Variants in CDCA2 observed in about 807,000 individuals in gnomAD.
CDCA2 encodes the protein cell division cycle associated 2, also known as cell division cycle-associated protein 2.
A neutral mutation model predicts 67.0 loss-of-function variants in CDCA2; 44 were observed. The ratio of observed to expected loss-of-function variants is 0.66; its 90% confidence interval spans 0.52 to 0.84. The LOEUF (loss-of-function observed/expected upper bound fraction) is 0.84. Ranked by LOEUF, CDCA2 falls within the 40% of genes least tolerant of loss-of-function variation. CDCA2 has a pLI of 0.00. For missense variants in CDCA2, 1,253 were observed against 1,203.2 expected (o/e 1.04, Z -0.61); for synonymous variants, 447 against 418.7 (o/e 1.07, Z -0.82).
rs1377051997 is a variant in CDCA2, at chr8:25,506,778, A to G, written c.2112A>G (p.Pro704=). The G allele has an allele frequency of 6.2e-7, 1 of 1,613,900 alleles. No individual in the cohort carries two copies. Among genetic ancestry groups the G allele is most frequent in the African/African-American group, 1.3e-5 (1 of 74,932 alleles). The change falls in exon 15 of 15, where the codon CCA becomes CCG. Residue 704 remains proline, a synonymous_variant. Transcript: ENST00000330560. Reference sequence around the variant, plus strand: ...ATAAGTCAGAAAGTGAAAATGAACCAAAAGCTGGAACTGACAGTCCTGTTT... The same window carrying G: ...ATAAGTCAGAAAGTGAAAATGAACCGAAAGCTGGAACTGACAGTCCTGTTT... ...AKNKSESENE[P]KAGTDSPVSC... is the part of the protein sequence containing the mutation.
At chr8:25,466,001 A>G (rs1483829102) in intron 4 of CDCA2, among the ~76,000 whole-genome samples, 174 bp from the exon 5 acceptor site, 1 of 152,144 alleles carries the variant, frequency 6.6e-6, no homozygotes, top group South Asian at 2.1e-4. Flanking sequence ...TCCTTATTCA[A>G]ACTGAAAATG....
chr8:25,471,190 C>T (rs917640494), intron 7 of CDCA2, among the ~76,000 whole-genome samples: 13 of 152,148 alleles, frequency 8.5e-5, no homozygotes, highest in Middle Eastern at 3.2e-3. Flanking sequence ...TTCCTTCAAC[C>T]TGAAAAAGAA....
At chr8:25,488,455 G>T in intron 12 of CDCA2, 97 bp from the exon 13 acceptor site, 14 of 1,149,196 alleles carry the variant, frequency 1.2e-5, no homozygotes, top group Non-Finnish European at 1.7e-5. Flanking sequence ...ATCTAAAGTG[G>T]TAGAAGCATC....
chr8:25,485,175 T>TA (rs1223540270), intron 10 of CDCA2, among the ~76,000 whole-genome samples: 2 of 115,788 alleles, frequency 1.7e-5, no homozygotes, highest in Non-Finnish European at 3.5e-5. Flanking sequence ...CCCTAAAACT[T>TA]AAAGTATAAT....
At position 25,503,359 on chromosome 8, in the gene CDCA2, A is replaced by G; in HGVS notation, c.1672-14A>G. 2 of 1,598,676 alleles carry G rather than the reference A, an allele frequency of 1.3e-6. No individual in the cohort carries two copies. Among genetic ancestry groups the G allele is most frequent in the Non-Finnish European group, 1.7e-6 (2 of 1,165,984 alleles). ...CATCTTTCTCAATTGCAATGTTTTA[A>G]TGCATTTTCTCAGGTTTTAAAAAGT... On this transcript the variant is annotated splice_polypyrimidine_tract_variant and intron_variant, in intron 13 of 14. Transcript: ENST00000330560.
At position 25,505,565 on chromosome 8, in the gene CDCA2, C is replaced by T. The variant is rs1804644254; in HGVS notation, c.1844-945C>T. On this transcript the variant is annotated intron_variant, in intron 14 of 14. Coordinates refer to ENST00000330560, the MANE Select transcript of CDCA2 (RefSeq NM_152562.4). ...AACATTGGTTGGCACTGAGTGGGCA[C>T]TGACCTGTTTAATCTCTAGCTTTAA... 2.6e-5 allele frequency among the ~76,000 whole-genome samples: 4 copies of T among 152,210 alleles called. No individual in the cohort carries two copies. The South Asian group carries it at 6.2e-4, about 24-fold the overall frequency.
At chr8:25,463,816 G>A (rs987155974) in intron 4 of CDCA2, among the ~76,000 whole-genome samples, 1 of 152,050 alleles carries the variant, frequency 6.6e-6, no homozygotes, top group African/African-American at 2.4e-5. Flanking sequence ...GCCTTCGTAC[G>A]CCCACTCTAG....
intron 7 of CDCA2, among the ~76,000 whole-genome samples, chr8:25,475,345 C>A (rs534777178): frequency 2.0e-5 from 3 of 152,116 alleles, no homozygotes; most frequent in African/African-American, 4.8e-5. Flanking sequence ...ATGGTGAAAT[C>A]CCGGCTCTAC....
At chr8:25,483,278 T>C in intron 8 of CDCA2, 121 bp from the exon 9 acceptor site, 2 of 502,640 alleles carry the variant, frequency 4.0e-6, no homozygotes, top group Non-Finnish European at 3.4e-6. Flanking sequence ...AAAATAAAGG[T>C]AATCTTTAAT....
At chr8:25,483,354 G>T in intron 8 of CDCA2, 45 bp from the exon 9 acceptor site, 1 of 1,286,816 alleles carries the variant, frequency 7.8e-7, no homozygotes, top group Non-Finnish European at 1.1e-6. Flanking sequence ...TGACGTCTAT[G>T]TATTTCTATA....
chr8:25,496,488 A>G (rs1320694697), intron 13 of CDCA2, among the ~76,000 whole-genome samples: 2 of 152,196 alleles, frequency 1.3e-5, no homozygotes, highest in Non-Finnish European at 2.9e-5. Context: ...AGTAACAATC[A>G]ACAGAGGAAA....
chr8:25,477,259 C>G (rs1328052664), intron 7 of CDCA2, among the ~76,000 whole-genome samples: 1 of 152,170 alleles, frequency 6.6e-6, no homozygotes, highest in Non-Finnish European at 1.5e-5. Flanking sequence ...AAGCCTTTTC[C>G]TCACCTGGGT....
chr8:25,464,970 G>A (rs7824408), intron 4 of CDCA2, among the ~76,000 whole-genome samples: 146,307 of 152,194 alleles, frequency 0.96, 70,562 homozygotes, highest in East Asian at 1. Flanking sequence ...TTTTCTCCCT[G>A]TGATATATAT....
At chr8:25,504,434 A>G (rs1264664716) in intron 14 of CDCA2, among the ~76,000 whole-genome samples, 1 of 152,152 alleles carries the variant, frequency 6.6e-6, no homozygotes, top group Non-Finnish European at 1.5e-5. Context: ...TCTTGCCTGA[A>G]AATGATAATG....
chr8:25,484,080 C>T lies in CDCA2; in HGVS notation c.1235C>T (p.Thr412Ile). 6.2e-7 allele frequency: 1 copy of T among 1,614,168 alleles called. No homozygotes were observed. ...EVFDESLPAN[T>I]PLRKGGTPVC... Reference sequence around the variant, plus strand: ...TTTGATGAATCTTTGCCAGCAAATACTCCATTGCGTAAAGGAGGAACACCT... The same window carrying T: ...TTTGATGAATCTTTGCCAGCAAATATTCCATTGCGTAAAGGAGGAACACCT... Residue 412 changes from threonine (T) to isoleucine (I), a missense_variant, in exon 10 of 15, where the codon ACT becomes ATT. Physicochemically the swap from Thr to Ile is moderately conservative, Grantham distance 89. Transcript: ENST00000330560.
intron 6 of CDCA2, 62 bp from the exon 7 acceptor site, chr8:25,469,834 C>T: frequency 2.9e-6 from 3 of 1,017,616 alleles, no homozygotes; most frequent in Non-Finnish European, 4.5e-6. Context: ...CTCAAATCTT[C>T]AAAAAGGCAT....
At chr8:25,464,305 A>AT (rs1311329598) in intron 4 of CDCA2, among the ~76,000 whole-genome samples, 1 of 152,206 alleles carries the variant, frequency 6.6e-6, no homozygotes, top group African/African-American at 2.4e-5. Flanking sequence ...AGTCCAAGCT[A>AT]TTTGAGAGGC....
At chr8:25,467,041 C>CAAAA (rs59618544) in intron 5 of CDCA2, among the ~76,000 whole-genome samples, 611 of 48,706 alleles carry the variant, frequency 0.013, 60 homozygotes, top group Non-Finnish European at 0.016. Flanking sequence ...GAGTCCCTTT[C>CAAAA]AAAAAAAAAA....
chr8:25,464,909 C>G (rs1457311887), intron 4 of CDCA2, among the ~76,000 whole-genome samples: 1 of 152,136 alleles, frequency 6.6e-6, no homozygotes, highest in Non-Finnish European at 1.5e-5. Context: ...GGAAGAGAAT[C>G]AAATGTGTGA....
Sources: allele counts gnomAD v4.1 joint callset (sites outside exome capture counted in the v4.1 genomes callset), GRCh38; gene constraint gnomAD v4.1.1; transcripts MANE v1.5; gene names NCBI Gene and HGNC (gene_info 2026-07-23, HGNC 2026-07-21).